The following GPC6 variants were observed in gnomAD, a reference collection of about 807,000 sequenced individuals.
The protein encoded by GPC6 is glypican 6, also known as glypican-6.
Under a neutral mutation model 55.2 loss-of-function variants are expected in GPC6, and 14 were observed. That is an observed-to-expected ratio of 0.25 (90% confidence interval 0.17 to 0.40). GPC6 has a LOEUF of 0.40. GPC6 is among the 10% of genes least tolerant of loss of function. The pLI is 1.00. For synonymous variants in GPC6, 278 were observed against 259.6 expected (o/e 1.07, Z -0.68); for missense variants, 641 against 708.5 (o/e 0.90, Z 1.08).
In GPC6 at chr13:93,447,503, A is replaced by G. The variant is rs915784673; in HGVS notation, c.161-97760A>G. Among the ~76,000 whole-genome samples the G allele has an allele frequency of 1.2e-4, 18 of 152,176 alleles. No homozygotes were observed. The South Asian group carries it at 3.3e-3, about 28-fold the overall frequency. On this transcript the variant is annotated intron_variant, in intron 1 of 8. Coordinates refer to ENST00000377047, the MANE Select transcript of GPC6 (RefSeq NM_005708.5). Reference sequence around the variant, plus strand: ...TGCTCCATCTCACCAAAGTTACGTGATGAGGAAATCAATCCCTTTTCTAGA... The same window carrying G: ...TGCTCCATCTCACCAAAGTTACGTGGTGAGGAAATCAATCCCTTTTCTAGA...
chr13:93,780,291 G>C (rs1594450622), intron 2 of GPC6, among the ~76,000 whole-genome samples: 1 of 151,514 alleles, frequency 6.6e-6, no homozygotes, highest in African/African-American at 2.4e-5. Context: ...AAAACACATT[G>C]TTTTCCTTAA....
At chr13:93,976,237 T>G (rs1880509345) in intron 3 of GPC6, among the ~76,000 whole-genome samples, 1 of 152,120 alleles carries the variant, frequency 6.6e-6, no homozygotes, top group Non-Finnish European at 1.5e-5. Context: ...GTGATGAAAC[T>G]GTCAAATCTG....
At chr13:93,326,794 G>T (rs1879673606) in intron 1 of GPC6, among the ~76,000 whole-genome samples, 1 of 152,126 alleles carries the variant, frequency 6.6e-6, no homozygotes, top group Non-Finnish European at 1.5e-5. Context: ...TGGTAAAAAA[G>T]AGAAAACAAA....
intron 2 of GPC6, among the ~76,000 whole-genome samples, chr13:93,572,469 G>C (rs559618151): frequency 6.6e-6 from 1 of 152,156 alleles, no homozygotes; most frequent in Admixed American, 6.5e-5. Context: ...CCTGTTCTTG[G>C]GCCCCATCCC....
intron 3 of GPC6, among the ~76,000 whole-genome samples, chr13:93,857,000 C>T (rs868295600): frequency 1.2e-4 from 18 of 151,530 alleles, no homozygotes; most frequent in African/African-American, 3.9e-4. Flanking sequence ...GATTCTTATT[C>T]AACATTTCCT....
At chr13:94,057,685 A>C (rs1041895726) in intron 4 of GPC6, among the ~76,000 whole-genome samples, 3 of 152,178 alleles carry the variant, frequency 2.0e-5, no homozygotes, top group African/African-American at 7.2e-5. Context: ...ACACATCTGT[A>C]CTTTACTGAG....
Position 93,227,310 on chromosome 13 carries a change from C to T in GPC6, c.-147C>T. The T allele has an allele frequency of 5.4e-6, 4 of 738,364 alleles. No homozygotes were observed. The South Asian group carries it at 6.9e-5, about 13-fold the overall frequency. 45.7% of individuals were successfully genotyped at this position (738,364 alleles called of 1,614,324 possible). On this transcript the variant is annotated 5_prime_UTR_variant, in exon 1 of 9. Transcript: ENST00000377047. The surrounding 1 kb of genome is among the most constrained non-coding windows in gnomAD (Gnocchi z 4.3). Reference sequence around the variant, plus strand: ...GCTGAGCGCAGTCCAGAGGGCTGCGCTGCTCGTCCCCTCGGCTGGCAGAAG... The same window carrying T: ...GCTGAGCGCAGTCCAGAGGGCTGCGTTGCTCGTCCCCTCGGCTGGCAGAAG...
chr13:93,326,100 C>T (rs191546722), intron 1 of GPC6, among the ~76,000 whole-genome samples: 73 of 152,142 alleles, frequency 4.8e-4, no homozygotes, highest in African/African-American at 1.7e-3. Context: ...CACTCAGCAC[C>T]ACAGGGAAAA....
At chr13:93,882,072 TTTCTC>T (rs1467376897) in intron 3 of GPC6, among the ~76,000 whole-genome samples, 1 of 151,838 alleles carries the variant, frequency 6.6e-6, no homozygotes, top group Non-Finnish European at 1.5e-5. Context: ...TTTCTTTTCT[TTTCTC>T]TTCTTTTTTT....
intron 4 of GPC6, among the ~76,000 whole-genome samples, chr13:94,078,827 T>C (rs1231636377): frequency 6.6e-6 from 1 of 151,962 alleles, no homozygotes; most frequent in East Asian, 1.9e-4. Context: ...TAAGGAAGAA[T>C]TAATGCCAGT....
Position 93,574,344 on chromosome 13 carries a change from A to G in GPC6, c.319+28923A>G, listed in dbSNP as rs538427465. On this transcript the variant is annotated intron_variant, in intron 2 of 8. Coordinates refer to ENST00000377047, the MANE Select transcript of GPC6 (RefSeq NM_005708.5). ...GCAAAAGGCTGCTATAAGTGACGAC[A>G]GAGGAAGAGATTGGTGTATCGTGTC... Among the ~76,000 whole-genome samples the G allele has an allele frequency of 2.5e-4, 38 of 152,294 alleles. No homozygotes were observed. The South Asian group carries it at 7.3e-3, about 29-fold the overall frequency.
At chr13:93,695,219 TC>T (rs1395976130) in intron 2 of GPC6, among the ~76,000 whole-genome samples, 2 of 152,104 alleles carry the variant, frequency 1.3e-5, no homozygotes, top group Non-Finnish European at 2.9e-5. Context: ...TAAAAATACT[TC>T]CTGAAATCAC....
chr13:94,269,365 T>A (rs539936414), intron 4 of GPC6, among the ~76,000 whole-genome samples: 38 of 152,228 alleles, frequency 2.5e-4, no homozygotes, highest in Non-Finnish European at 4.9e-4. Flanking sequence ...TTCATGGGAC[T>A]GTGACCCGTT....
chr13:93,305,371 T>C (rs534993683), intron 1 of GPC6, among the ~76,000 whole-genome samples: 1 of 152,252 alleles, frequency 6.6e-6, no homozygotes, highest in East Asian at 1.9e-4. Context: ...CTGATGGGTA[T>C]CTCAGTTTGC....
chr13:93,590,792 T>A (rs1377686727), intron 2 of GPC6, among the ~76,000 whole-genome samples: 1 of 152,144 alleles, frequency 6.6e-6, no homozygotes, highest in Non-Finnish European at 1.5e-5. Flanking sequence ...TTTAACAAAC[T>A]TGTGGTTACA....
chr13:94,271,749 C>T (rs562404188), intron 4 of GPC6, among the ~76,000 whole-genome samples: 2 of 152,112 alleles, frequency 1.3e-5, no homozygotes, highest in Non-Finnish European at 2.9e-5. Flanking sequence ...CCCTCACTTT[C>T]TCTCTTTCTC....
chr13:93,489,721 C>A lies in GPC6; in HGVS notation c.161-55542C>A, dbSNP rs889117112. Among the ~76,000 whole-genome samples the A allele has an allele frequency of 1.7e-4, 25 of 151,400 alleles. 1 individual carries two copies. Among genetic ancestry groups the A allele is most frequent in the African/African-American group, 5.6e-4 (23 of 41,368 alleles). On this transcript the variant is annotated intron_variant, in intron 1 of 8. Transcript: ENST00000377047. ...AAGTTGGATTCCTAGGTATTTTATT[C>A]TCTTTGAAGCAATTGTGAATGGGAG... is the stretch of plus-strand genomic sequence containing the variant.
chr13:93,835,291 C>CA (rs1353506405), intron 3 of GPC6, among the ~76,000 whole-genome samples: 1 of 151,916 alleles, frequency 6.6e-6, no homozygotes, highest in East Asian at 1.9e-4. Flanking sequence ...CCTATCTCTA[C>CA]AAAAAATACA....
chr13:94,296,182 G>A (rs146387023), intron 5 of GPC6, among the ~76,000 whole-genome samples: 180 of 152,260 alleles, frequency 1.2e-3, no homozygotes, highest in African/African-American at 4.0e-3. Flanking sequence ...CATCCAGCGC[G>A]AACTAGTTTT....
Sources: gnomAD v4.1 joint callset for allele counts (sites outside exome capture counted in the v4.1 genomes callset) on GRCh38, gnomAD v4.1.1 for gene constraint, Gnocchi (gnomAD v3.1) non-coding constraint, MANE v1.5 for transcripts, NCBI Gene and HGNC (gene_info 2026-07-23, HGNC 2026-07-21) for gene names.